Variants in LRP8 observed in about 807,000 individuals in gnomAD.
The protein encoded by LRP8 is low-density lipoprotein receptor-related protein 8.
LRP8 carries 46 observed loss-of-function variants against 111.6 expected under a neutral mutation model. That is an observed-to-expected ratio of 0.41 (90% CI 0.33 to 0.53). LRP8 has a LOEUF of 0.53. Ranked by LOEUF, LRP8 falls within the 20% of genes least tolerant of loss-of-function variation. The probability of loss-of-function intolerance (pLI) is 0.20; values close to 1 mark genes in which losing one functional copy is unlikely to be tolerated. For synonymous variants in LRP8, 464 were observed against 511.2 expected (o/e 0.91, Z 1.24); for missense variants, 959 against 1,297.4 (o/e 0.74, Z 4.01).
chr1:53,298,882 GCTT>G (rs1439503377), intron 2 of LRP8, among the ~76,000 whole-genome samples: 6 of 152,196 alleles, frequency 3.9e-5, no homozygotes, highest in African/African-American at 1.2e-4. Flanking sequence ...CAGCTCTTCC[GCTT>G]CTTCTTTTGC....
intron 3 of LRP8, among the ~76,000 whole-genome samples, chr1:53,282,091 T>C (rs1447252606): frequency 6.6e-6 from 1 of 152,198 alleles, no homozygotes; most frequent in African/African-American, 2.4e-5. Flanking sequence ...GACCAGTTTC[T>C]CCTCTTCCCA....
Position 53,303,798 on chromosome 1 carries a change from T to C in LRP8, c.245-14109A>G, listed in dbSNP as rs1651428203. ...ATCCTCTGTTCCCACCGCTGACATA[T>C]GGCCATTCGCCCTCTTGAATGCTCT... On this transcript the variant is annotated intron_variant, in intron 2 of 18. Coordinates refer to ENST00000306052, the MANE Select transcript of LRP8 (RefSeq NM_004631.5). This position sits in a 1 kb window ranked among gnomAD's most constrained non-coding sequence, Gnocchi z 4.3. Among the ~76,000 whole-genome samples the C allele has an allele frequency of 6.6e-6, 1 of 152,196 alleles. No individual in the cohort carries two copies. The highest frequency in any genetic ancestry group is 1.5e-5 in the Non-Finnish European group (1 of 68,042).
chr1:53,313,977 G>A (rs567783960), intron 2 of LRP8, among the ~76,000 whole-genome samples: 2 of 152,150 alleles, frequency 1.3e-5, no homozygotes, highest in Non-Finnish European at 2.9e-5. Context: ...TGGCAGGGGC[G>A]GGGGAGGCCC....
intron 2 of LRP8, 129 bp from the exon 3 acceptor site, chr1:53,289,818 G>A: frequency 2.5e-6 from 3 of 1,195,210 alleles, no homozygotes; most frequent in East Asian, 5.1e-5. Context: ...GGACAGGAGA[G>A]ACAAGCTTCT....
rs747849087 is a variant in LRP8 at position 53,327,871 on chromosome 1, C to T, written c.42G>A (p.Leu14=). ...GCAGCAGCAGCAGCAGCAGCAGCAG[C>T]AGCGCCAGAAGCCGGAGAGGGCCCG... ...PEPGPLRLLA[L]LLLLLLLLLL... The change falls in exon 1 of 19, where the codon CTG becomes CTA. Residue 14 remains leucine, a synonymous_variant. Transcript: ENST00000306052. The T allele has an allele frequency of 1.9e-5, 28 of 1,505,872 alleles. No homozygotes were observed. In the South Asian group the frequency reaches 3.2e-4, roughly 17 times the overall value. 93.3% of individuals were successfully genotyped at this position (1,505,872 alleles called of 1,614,324 possible).
At chr1:53,320,415 G>A (rs1654355827) in intron 2 of LRP8, among the ~76,000 whole-genome samples, 1 of 152,196 alleles carries the variant, frequency 6.6e-6, no homozygotes, top group South Asian at 2.1e-4. Context: ...TTCTGAGAAT[G>A]GTGCCCTACT....
intron 2 of LRP8, among the ~76,000 whole-genome samples, chr1:53,302,913 G>A (rs1046738336): frequency 4.9e-5 from 7 of 143,558 alleles, no homozygotes; most frequent in African/African-American, 1.6e-4. Context: ...CTGCCCAGGC[G>A]GCCTAGAGCC....
intron 2 of LRP8, among the ~76,000 whole-genome samples, chr1:53,324,976 G>A (rs959356870): frequency 1.3e-5 from 2 of 152,220 alleles, no homozygotes. Flanking sequence ...AAAGTAGAAT[G>A]ACAAGAAAAT....
intron 2 of LRP8, among the ~76,000 whole-genome samples, chr1:53,325,588 T>C (rs1655026327): frequency 6.6e-6 from 1 of 152,238 alleles, no homozygotes; most frequent in Non-Finnish European, 1.5e-5. Flanking sequence ...GTCAGTCTAG[T>C]TCTGCCACGC....
intron 2 of LRP8, among the ~76,000 whole-genome samples, chr1:53,308,439 C>T (rs1557853201): frequency 6.6e-6 from 1 of 152,220 alleles, no homozygotes; most frequent in East Asian, 1.9e-4. Context: ...ACTGGCCCTC[C>T]AGGTCTCTCC....
At chr1:53,291,175 C>T (rs1648684441) in intron 2 of LRP8, among the ~76,000 whole-genome samples, 1 of 152,150 alleles carries the variant, frequency 6.6e-6, no homozygotes, top group Non-Finnish European at 1.5e-5. Context: ...GAGAGATAAG[C>T]TTTCAGGTGT....
intron 6 of LRP8, among the ~76,000 whole-genome samples, chr1:53,272,887 T>C (rs1301719446): frequency 6.6e-6 from 1 of 152,220 alleles, no homozygotes; most frequent in East Asian, 1.9e-4. Flanking sequence ...ACTCGCCTCC[T>C]TCCTCTCCTT....
intron 3 of LRP8, among the ~76,000 whole-genome samples, chr1:53,286,861 A>G (rs1647636476): frequency 6.6e-6 from 1 of 152,240 alleles, no homozygotes; most frequent in African/African-American, 2.4e-5. Context: ...CCAAAATATA[A>G]TAATACAAAT....
intron 3 of LRP8, 180 bp downstream of exon 3, chr1:53,289,382 TGAAGA>T: frequency 1.3e-6 from 1 of 742,072 alleles, no homozygotes; most frequent in East Asian, 3.2e-5. Context: ...AAGAGGGCTG[TGAAGA>T]AAGTCCAGAA....
chr1:53,258,346 C>T lies in LRP8; in HGVS notation c.2182G>A (p.Gly728Ser). Residue 728 changes from glycine to serine, a missense_variant, in exon 14 of 19, where the codon GGT (glycine) becomes AGT (serine). Gly to Ser is a moderately conservative substitution (Grantham distance 56). Coordinates refer to ENST00000306052, the MANE Select transcript of LRP8 (RefSeq NM_004631.5). ...CGGTAGCACCTCTTCATGTCTGGAC[C>T]CAGCCACATTGTGTCAGGACAGGCA... ...TCACPDTMWL[G>S]PDMKRCYRAP... 1 of 1,614,064 alleles carries T rather than the reference C, an allele frequency of 6.2e-7. No individual in the cohort carries two copies. Among genetic ancestry groups the T allele is most frequent in the Non-Finnish European group, 8.5e-7 (1 of 1,179,978 alleles).
intron 3 of LRP8, among the ~76,000 whole-genome samples, chr1:53,282,567 G>A (rs1427199759): frequency 1.3e-5 from 2 of 152,148 alleles, no homozygotes; most frequent in Non-Finnish European, 2.9e-5. Flanking sequence ...CTGGAACACA[G>A]GAAGCTGAAG....
chr1:53,270,347 A>C (rs1464348496), intron 8 of LRP8, among the ~76,000 whole-genome samples: 1 of 152,226 alleles, frequency 6.6e-6, no homozygotes, highest in Non-Finnish European at 1.5e-5. Context: ...TCCCATCAGA[A>C]TGTAGCTAGC....
chr1:53,308,688 G>A (rs1572652986), intron 2 of LRP8, among the ~76,000 whole-genome samples: 1 of 152,174 alleles, frequency 6.6e-6, no homozygotes, highest in East Asian at 1.9e-4. Context: ...GAGGCCCAAG[G>A]AGGGCTCTCA....
Position 53,260,453 on chromosome 1 carries a change from A to G in LRP8, c.2056+11T>C. 6.2e-7 allele frequency: 1 copy of G among 1,613,708 alleles called. No individual in the cohort carries two copies. Among genetic ancestry groups the G allele is most frequent in the Non-Finnish European group, 8.5e-7 (1 of 1,179,834 alleles). ...CAGGGGACCTGGGACCTAGGACCAG[A>G]GACAGCTCACCTCTTGGCTGCTTCA... is the stretch of plus-strand genomic sequence containing the variant. On this transcript the variant is annotated intron_variant, in intron 13 of 18. Coordinates refer to ENST00000306052, the MANE Select transcript of LRP8 (RefSeq NM_004631.5).
Sources: gnomAD v4.1 joint callset for allele counts (sites outside exome capture counted in the v4.1 genomes callset) on GRCh38, gnomAD v4.1.1 for gene constraint, Gnocchi (gnomAD v3.1) non-coding constraint, MANE v1.5 for transcripts, NCBI Gene and HGNC (gene_info 2026-07-23, HGNC 2026-07-21) for gene names.